The following MICAL3 variants were observed in gnomAD, a reference collection of about 807,000 sequenced individuals.
The protein encoded by MICAL3 is [F-actin]-monooxygenase MICAL3.
Under a neutral mutation model 207.4 loss-of-function variants are expected in MICAL3, and 62 were observed. The ratio of observed to expected loss-of-function variants is 0.30; its 90% CI spans 0.24 to 0.37. The LOEUF (loss-of-function observed/expected upper bound fraction) is 0.37, where lower values mean the gene tolerates loss of function less well. Among genes scored for constraint, MICAL3 ranks in the 10% least tolerant of loss-of-function variants. MICAL3 has a pLI of 1.00. For missense variants in MICAL3, 2,368 were observed against 2,635.6 expected, an observed-to-expected ratio of 0.90 and a Z score of 2.22; for synonymous variants, 1,077 against 1,069.3, an observed-to-expected ratio of 1.01 and a Z score of -0.14.
At chr22:17,846,838 C>A (rs186742161) in intron 19 of MICAL3, among the ~76,000 whole-genome samples, 148 of 152,332 alleles carry the variant, frequency 9.7e-4, no homozygotes, top group African/African-American at 3.0e-3. Flanking sequence ...AGGCCAATTA[C>A]AGCCCCACAC....
Position 17,897,050 on chromosome 22 carries a change from A to G in MICAL3, c.949-69T>C, listed in dbSNP as rs1602171476. On this transcript the variant is annotated intron_variant, in intron 7 of 31. Transcript: ENST00000441493. ...CACTCAGCCAGAACCATGTTACACAACCCAGGGCCACAGCTTCTTCTTCCC... is the reference window on the plus strand; with the variant it reads ...CACTCAGCCAGAACCATGTTACACAGCCCAGGGCCACAGCTTCTTCTTCCC... The G allele has an allele frequency of 1.1e-5, 17 of 1,485,548 alleles. No homozygotes were observed. The East Asian group carries it at 2.9e-4, about 26-fold the overall frequency. 92.0% of individuals were successfully genotyped at this position (1,485,548 alleles called of 1,614,324 possible). A position where few individuals can be genotyped will look rare whatever the true frequency, so the allele number is the denominator to read the frequency against.
At chr22:17,821,406 C>T in intron 25 of MICAL3, 21 bp downstream of exon 25, 2 of 1,538,008 alleles carry the variant, frequency 1.3e-6, no homozygotes, top group Non-Finnish European at 1.8e-6. Flanking sequence ...CTGTACCCCA[C>T]AGCGAGCCCC....
At chr22:17,924,930 A>G (rs1038374927) in intron 1 of MICAL3, among the ~76,000 whole-genome samples, 2 of 152,180 alleles carry the variant, frequency 1.3e-5, no homozygotes, top group Non-Finnish European at 2.9e-5. Context: ...GGCAACAGGT[A>G]TTTCTTTATA....
intron 1 of MICAL3, among the ~76,000 whole-genome samples, chr22:18,015,143 C>T (rs549495676): frequency 2.6e-4 from 40 of 152,196 alleles, no homozygotes; most frequent in Non-Finnish European, 4.0e-4. Flanking sequence ...AACTACCTGC[C>T]GTAAGCAAGG....
In MICAL3 at chr22:17,889,054, T is replaced by G; in HGVS notation, c.1871A>C (p.Lys624Thr). Reference sequence around the variant, plus strand: ...CTTACCGCTAGAGGGGAGGGAGTCCTTAAACATCTCGTAGAACTGAGTCAG... The same window carrying G: ...CTTACCGCTAGAGGGGAGGGAGTCCGTAAACATCTCGTAGAACTGAGTCAG... ...MYLTQFYEMF[K>T]DSLPSSDTLD... is the part of the protein sequence containing the mutation. Residue 624 changes from lysine (K) to threonine (T), a missense_variant, in exon 13 of 32, where the codon AAG becomes ACG. By Grantham distance (78) the Lys-to-Thr change is moderately conservative (BLOSUM62 -1). Coordinates refer to ENST00000441493, the MANE Select transcript of MICAL3 (RefSeq NM_015241.3). The G allele has an allele frequency of 6.2e-7, 1 of 1,608,392 alleles. No individual in the cohort carries two copies. The highest frequency in any genetic ancestry group is 8.5e-7 in the Non-Finnish European group (1 of 1,175,338).
chr22:17,989,540 C>G (rs937997408), intron 1 of MICAL3, among the ~76,000 whole-genome samples: 4 of 152,116 alleles, frequency 2.6e-5, no homozygotes, highest in South Asian at 2.1e-4. Flanking sequence ...CTCGCTGCCC[C>G]TGAATGCATG....
intron 1 of MICAL3, among the ~76,000 whole-genome samples, chr22:17,964,204 A>G (rs950159368): frequency 3.3e-5 from 5 of 152,144 alleles, no homozygotes; most frequent in Non-Finnish European, 4.4e-5. Context: ...AAGACCCAAA[A>G]AATCTGCCTC....
rs2145944281 is a variant in MICAL3, at chr22:17,791,140, AAG to A, written c.5750+60_5750+61del. ...GACCACCCCTCACCCCCAAATCTGGAAGGACCTCCATGCCGGCTGTGACAAGC... is the reference window on the plus strand; with the variant it reads ...GACCACCCCTCACCCCCAAATCTGGAGACCTCCATGCCGGCTGTGACAAGC... On this transcript the variant is annotated intron_variant, in intron 30 of 31. Coordinates refer to ENST00000441493, the MANE Select transcript of MICAL3 (RefSeq NM_015241.3). 1.1e-5 allele frequency: 17 copies of A among 1,604,880 alleles called. No homozygotes were observed. In the East Asian group the frequency reaches 3.6e-4, roughly 34 times the overall value.
intron 29 of MICAL3, among the ~76,000 whole-genome samples, chr22:17,805,919 A>G (rs1463324672): frequency 6.6e-6 from 1 of 152,186 alleles, no homozygotes; most frequent in Non-Finnish European, 1.5e-5. Flanking sequence ...TAGTAGAGAC[A>G]GGGTTTCTCC....
At chr22:17,861,706 G>A (rs1445841873) in intron 19 of MICAL3, 4 of 985,010 alleles carry the variant, frequency 4.1e-6, no homozygotes, top group South Asian at 4.7e-5. Flanking sequence ...CCACTAACAC[G>A]CAGTAGTAAG....
intron 1 of MICAL3, among the ~76,000 whole-genome samples, chr22:17,919,742 C>A (rs1932755365): frequency 6.6e-6 from 1 of 152,186 alleles, no homozygotes; most frequent in Non-Finnish European, 1.5e-5. Flanking sequence ...CTGGCTCACA[C>A]AGGCTCTGCC....
intron 16 of MICAL3, chr22:17,872,824 T>C: frequency 1.2e-6 from 2 of 1,612,602 alleles, no homozygotes; most frequent in Non-Finnish European, 1.7e-6. Flanking sequence ...GCCAATGAGC[T>C]CACTCCGCCC....
At chr22:17,870,673 CA>C (rs953841942) in intron 17 of MICAL3, among the ~76,000 whole-genome samples, 1 of 152,218 alleles carries the variant, frequency 6.6e-6, no homozygotes, top group Non-Finnish European at 1.5e-5. Flanking sequence ...TCCTTGAGAT[CA>C]AATGAGCTAT....
intron 27 of MICAL3, chr22:17,812,882 G>A (rs1342535757): frequency 6.6e-6 from 1 of 152,160 alleles, no homozygotes. Context: ...TAAAGTTAAA[G>A]CCGTTAAAAT....
In MICAL3 at chr22:17,970,842, G is replaced by A. The variant is rs144329289; in HGVS notation, c.-75+53439C>T. Among the ~76,000 whole-genome samples the A allele has an allele frequency of 2.0e-4, 31 of 152,086 alleles. No individual in the cohort carries two copies. In the East Asian group the frequency reaches 3.1e-3, roughly 15 times the overall value. ...TGTCCTTGATTTCAGCACCCCACCC[G>A]ATTTGCAGGCAGTGCTTTCTAAACT... is the stretch of plus-strand genomic sequence containing the variant. On this transcript the variant is annotated intron_variant, in intron 1 of 31. Transcript: ENST00000441493.
At chr22:17,976,726 A>G (rs567475418) in intron 1 of MICAL3, among the ~76,000 whole-genome samples, 1 of 150,334 alleles carries the variant, frequency 6.7e-6, no homozygotes, top group South Asian at 2.1e-4. Flanking sequence ...TAAGTTTGCA[A>G]AAGCTATAAC....
chr22:17,852,070 G>A (rs1282749930), intron 19 of MICAL3, among the ~76,000 whole-genome samples: 1 of 152,148 alleles, frequency 6.6e-6, no homozygotes, highest in Admixed American at 6.5e-5. Flanking sequence ...AGCCAGCTCT[G>A]ATGTGACCCT....
At chr22:17,903,492 C>T (rs778309298) in intron 3 of MICAL3, among the ~76,000 whole-genome samples, 7 of 152,296 alleles carry the variant, frequency 4.6e-5, no homozygotes, top group African/African-American at 1.2e-4. Flanking sequence ...AAATCCACTG[C>T]GTTAATGACC....
intron 27 of MICAL3, among the ~76,000 whole-genome samples, chr22:17,811,870 G>A (rs1464158661): frequency 6.6e-6 from 1 of 152,118 alleles, no homozygotes; most frequent in African/African-American, 2.4e-5. Flanking sequence ...TCAGCCTCCC[G>A]AGTAGTCAGG....
Sources: allele counts gnomAD v4.1 joint callset (sites outside exome capture counted in the v4.1 genomes callset), GRCh38; gene constraint gnomAD v4.1.1; transcripts MANE v1.5; gene names NCBI Gene and HGNC (gene_info 2026-07-23, HGNC 2026-07-21).